The following PPIL2 variants were observed in gnomAD, a reference collection of about 807,000 sequenced individuals.
PPIL2 encodes peptidylprolyl isomerase like 2.
Under a neutral mutation model 75.2 loss-of-function variants are expected in PPIL2, and 50 were observed. The observed-to-expected ratio is 0.66, with a 90% confidence interval of 0.53 to 0.84. PPIL2 has a LOEUF of 0.84. PPIL2 is among the 40% of genes least tolerant of loss of function. PPIL2 has a pLI of 0.00. For synonymous variants in PPIL2, 245 were observed against 258.8 expected, an observed-to-expected ratio of 0.95 and a Z score of 0.51; for missense variants, 590 against 685.0, an observed-to-expected ratio of 0.86 and a Z score of 1.55.
chr22:21,680,898 C>G (rs4821168), intron 6 of PPIL2, among the ~76,000 whole-genome samples: 5 of 145,516 alleles, frequency 3.4e-5, no homozygotes, highest in African/African-American at 7.9e-5. Flanking sequence ...AGGGGATGGG[C>G]GGTTCTGAAG....
chr22:21,681,217 T>C, intron 6 of PPIL2, 82 bp from the exon 7 acceptor site: 1 of 1,173,824 alleles, frequency 8.5e-7, no homozygotes, highest in East Asian at 2.3e-5. Flanking sequence ...AGTTCTGTCC[T>C]GCCCTGGCCC....
chr22:21,669,560 G>A, intron 1 of PPIL2: 1 of 348,766 alleles, frequency 2.9e-6, no homozygotes, highest in South Asian at 2.3e-5. Context: ...GAGTACAGTG[G>A]TGTGATCTTG....
intron 15 of PPIL2, 127 bp from the exon 16 acceptor site, chr22:21,693,689 A>G: frequency 1.0e-6 from 1 of 958,700 alleles, no homozygotes; most frequent in South Asian, 1.4e-5. Context: ...ACGTGCACAC[A>G]TGCGTCCGTG....
chr22:21,669,495 G>T, intron 1 of PPIL2: 2 of 354,644 alleles, frequency 5.6e-6, no homozygotes, highest in Non-Finnish European at 1.1e-5. Flanking sequence ...TATAGTAGGT[G>T]TTTTTTTGTT....
At chr22:21,672,521 C>T in intron 5 of PPIL2, 140 bp downstream of exon 5, 1 of 795,226 alleles carries the variant, frequency 1.3e-6, no homozygotes, top group Non-Finnish European at 2.1e-6. Context: ...CAGTCTTCCC[C>T]TCCTCTCCCC....
intron 5 of PPIL2, among the ~76,000 whole-genome samples, chr22:21,674,257 C>T (rs1051808030): frequency 1.3e-5 from 2 of 152,210 alleles, no homozygotes; most frequent in Non-Finnish European, 2.9e-5. Context: ...CCCAGCAGTT[C>T]CCACCTCCGG....
chr22:21,694,838 C>A lies in PPIL2; in HGVS notation c.1332+21C>A, dbSNP rs192098317. The A allele has an allele frequency of 7.7e-5, 123 of 1,589,974 alleles. No homozygotes were observed. In the Admixed American group the frequency reaches 1.9e-3, roughly 25 times the overall value. On this transcript the variant is annotated intron_variant, in intron 18 of 19. Coordinates refer to ENST00000398831, the MANE Select transcript of PPIL2 (RefSeq NM_014337.4). ...CCCAGGTGAGGGGGCACGATGCCAC[C>A]ACCTAGGAGGGTCTGGGCTAGTGCA...
rs576292843 is a variant in PPIL2 at position 21,686,801 on chromosome 22, C to T, written c.791-91C>T. On this transcript the variant is annotated intron_variant, in intron 11 of 19. Coordinates refer to ENST00000398831, the MANE Select transcript of PPIL2 (RefSeq NM_014337.4). ...GCTCTCCCCAGAGCTGGAGCCTAGT[C>T]CCCGCCTGTGTGTCTGAGGTCGGTG... is the stretch of plus-strand genomic sequence containing the variant. 8 of 1,299,198 alleles carry T rather than the reference C, an allele frequency of 6.2e-6. No individual in the cohort carries two copies. In the East Asian group the frequency reaches 1.8e-4, roughly 30 times the overall value. The allele number at this position is 1,299,198 out of a possible 1,614,324, so 80.5% of individuals were successfully genotyped here.
chr22:21,691,752 T>C lies in PPIL2; in HGVS notation c.1140-2064T>C, dbSNP rs556038209. Among the ~76,000 whole-genome samples the C allele has an allele frequency of 1.4e-3, 219 of 152,258 alleles. 1 individual carries two copies. The highest frequency in any genetic ancestry group is 0.01 in the Middle Eastern group (3 of 294). On this transcript the variant is annotated intron_variant, in intron 15 of 19. Transcript: ENST00000398831. The stretch of plus-strand genomic sequence containing the variant: ...GGATGGTTCTTTTACTTTCCTCTTA[T>C]CTGAGTTTAATTCTGCTTCTAGTTT...
intron 1 of PPIL2, among the ~76,000 whole-genome samples, chr22:21,667,152 A>AT (rs747410460): frequency 0.048 from 5,091 of 106,552 alleles, 339 homozygotes; most frequent in African/African-American, 0.078. Flanking sequence ...CTCAGTCCTC[A>AT]TTTTTTTTTT....
intron 2 of PPIL2, 67 bp downstream of exon 2, chr22:21,670,029 C>A: frequency 6.8e-7 from 1 of 1,467,404 alleles, no homozygotes; most frequent in Non-Finnish European, 9.5e-7. Context: ...CTTCAGGATA[C>A]AGTGAGCTGT....
intron 5 of PPIL2, among the ~76,000 whole-genome samples, chr22:21,672,862 A>T (rs1301226276): frequency 6.6e-6 from 1 of 151,932 alleles, no homozygotes; most frequent in African/African-American, 2.4e-5. Context: ...GAGGGTCGGG[A>T]CTCCGGTGGG....
chr22:21,693,775 A>G, intron 15 of PPIL2, 41 bp from the exon 16 acceptor site: 1 of 1,520,064 alleles, frequency 6.6e-7, no homozygotes, highest in South Asian at 1.1e-5. Context: ...CAGGTGCAGA[A>G]GGTGCCATGC....
intron 6 of PPIL2, among the ~76,000 whole-genome samples, chr22:21,680,639 C>G (rs2067075086): frequency 6.6e-6 from 1 of 151,764 alleles, no homozygotes; most frequent in South Asian, 2.1e-4. Flanking sequence ...ACCATCCTGG[C>G]TAACATGGTG....
At position 21,683,224 on chromosome 22, in the gene PPIL2, C is replaced by T. The variant is rs1349575122; in HGVS notation, c.520C>T (p.His174Tyr). The T allele has an allele frequency of 6.2e-7, 1 of 1,613,534 alleles. No individual in the cohort carries two copies. The highest frequency in any genetic ancestry group is 1.1e-5 in the South Asian group (1 of 91,068). The change falls in exon 9 of 20, where the codon CAT becomes TAT. Residue 174 changes from histidine (H) to tyrosine (Y), a missense_variant. Coordinates refer to ENST00000398831, the MANE Select transcript of PPIL2 (RefSeq NM_014337.4). The part of the protein sequence containing the change: ...LDKFNVSNFY[H>Y]VKNNMKIIDP... ...CAAGTTCAATGTCTCTAACTTCTAT[C>T]ATGTGAAGAATAACATGAAAATAAT... is the stretch of plus-strand genomic sequence containing the variant.
chr22:21,670,625 G>A lies in PPIL2; in HGVS notation c.128+14G>A. ...TGACCACTGCAGGTAAGAGTTTTGC[G>A]AGTTTACCTTTCCCTTGTAATTGTT... On this transcript the variant is annotated intron_variant, in intron 3 of 19. Transcript: ENST00000398831. The A allele has an allele frequency of 4.4e-6, 7 of 1,602,562 alleles. No individual in the cohort carries two copies. The highest frequency in any genetic ancestry group is 4.3e-6 in the Non-Finnish European group (5 of 1,169,548).
In PPIL2 at chr22:21,674,359, G is replaced by A. The variant is rs539795162; in HGVS notation, c.244-705G>A. On this transcript the variant is annotated intron_variant, in intron 5 of 19. Coordinates refer to ENST00000398831, the MANE Select transcript of PPIL2 (RefSeq NM_014337.4). ...ACTGAAAACATTACCTGCCACCTGG[G>A]GTAGGGGAAATAAGAAAAAAGAAAA... 3.3e-5 allele frequency among the ~76,000 whole-genome samples: 5 copies of A among 152,254 alleles called. No individual in the cohort carries two copies. In the East Asian group the frequency reaches 9.6e-4, roughly 29 times the overall value.
rs994600406 is a variant in PPIL2, at chr22:21,695,329, G to A, written c.1467-65G>A. The A allele has an allele frequency of 2.0e-6, 3 of 1,529,444 alleles. No homozygotes were observed. The African/African-American group carries it at 4.1e-5, about 21-fold the overall frequency. 94.7% of individuals were successfully genotyped at this position (1,529,444 alleles called of 1,614,324 possible). A position where few individuals can be genotyped will look rare whatever the true frequency, so the allele number is the denominator to read the frequency against. On this transcript the variant is annotated intron_variant, in intron 19 of 19. Transcript: ENST00000398831. ...GCCTACACCGGGAGGGCTGTATGGAGACACAGACAAGTCAGGAGGGGCTGA... is the reference window on the plus strand; with the variant it reads ...GCCTACACCGGGAGGGCTGTATGGAAACACAGACAAGTCAGGAGGGGCTGA...
chr22:21,692,155 CTT>C (rs1290128171), intron 15 of PPIL2, among the ~76,000 whole-genome samples: 1 of 144,172 alleles, frequency 6.9e-6, no homozygotes, highest in Non-Finnish European at 1.5e-5. Context: ...TCCTGACAGT[CTT>C]TTTTTTTTTT....
Sources: allele counts gnomAD v4.1 joint callset (sites outside exome capture counted in the v4.1 genomes callset), GRCh38; gene constraint gnomAD v4.1.1; transcripts MANE v1.5; gene names NCBI Gene and HGNC (gene_info 2026-07-23, HGNC 2026-07-21).